Variants in ATP10D observed in about 807,000 individuals in gnomAD.
ATP10D encodes ATPase phospholipid transporting 10D (putative), also known as phospholipid-transporting ATPase VD.
Under a neutral mutation model 144.8 loss-of-function variants are expected in ATP10D, and 89 were observed. The ratio of observed to expected loss-of-function variants is 0.61; its 90% confidence interval spans 0.52 to 0.73. The LOEUF (loss-of-function observed/expected upper bound fraction) is 0.73, where lower values mean the gene tolerates loss of function less well. Among genes scored for constraint, ATP10D ranks in the 30% least tolerant of loss-of-function variants. ATP10D has a pLI of 0.00. For synonymous variants in ATP10D, 571 were observed against 615.1 expected, an observed-to-expected ratio of 0.93 and a Z score of 1.06; for missense variants, 1,603 against 1,714.8, an observed-to-expected ratio of 0.93 and a Z score of 1.15.
intron 10 of ATP10D, among the ~76,000 whole-genome samples, chr4:47,548,306 C>G (rs1344685634): frequency 6.6e-6 from 1 of 152,160 alleles, no homozygotes; most frequent in Non-Finnish European, 1.5e-5. Flanking sequence ...CATATACTAC[C>G]TCTATCCATC....
intron 1 of ATP10D, among the ~76,000 whole-genome samples, chr4:47,493,994 A>G (rs1020355252): frequency 6.6e-6 from 1 of 152,146 alleles, no homozygotes; most frequent in Non-Finnish European, 1.5e-5. Context: ...ACTTTCCTGT[A>G]TGCTGTTTCA....
intron 1 of ATP10D, among the ~76,000 whole-genome samples, chr4:47,510,581 G>C (rs553602321): frequency 3.3e-5 from 5 of 152,282 alleles, no homozygotes; most frequent in East Asian, 1.9e-4. Flanking sequence ...TCTTGTCTGG[G>C]TTGTGGAATA....
At chr4:47,486,687 G>C (rs1341591554) in intron 1 of ATP10D, among the ~76,000 whole-genome samples, 1 of 152,124 alleles carries the variant, frequency 6.6e-6, no homozygotes, top group African/African-American at 2.4e-5. Flanking sequence ...CTACAAATAC[G>C]TATCATATAC....
rs1015349666 is a variant in ATP10D at position 47,502,194 on chromosome 4, A to G, written c.-37-10310A>G. Among the ~76,000 whole-genome samples, 22 of 152,160 alleles carry G rather than the reference A, an allele frequency of 1.4e-4. 1 individual carries two copies. The highest frequency in any genetic ancestry group is 1.5e-4 in the Non-Finnish European group (10 of 68,032). ...GTGATCCCTTCAAAAAGAAATCTGG[A>G]CTGGGCGCGGTGGTTTGTGCCTGTA... On this transcript the variant is annotated intron_variant, in intron 1 of 22. Transcript: ENST00000273859.
chr4:47,572,391 T>G (rs912769733), intron 17 of ATP10D, among the ~76,000 whole-genome samples, 161 bp downstream of exon 17: 1 of 151,940 alleles, frequency 6.6e-6, no homozygotes, highest in African/African-American at 2.4e-5. Context: ...TTTTTTTTAC[T>G]AGGTGAGTAT....
intron 9 of ATP10D, among the ~76,000 whole-genome samples, chr4:47,545,674 G>T (rs533306614): frequency 6.6e-6 from 1 of 152,326 alleles, no homozygotes; most frequent in East Asian, 1.9e-4. Context: ...GATTTACAAA[G>T]ATAGTACCTA....
chr4:47,571,996 C>T (rs1577697533), intron 16 of ATP10D, among the ~76,000 whole-genome samples, 158 bp from the exon 17 acceptor site: 1 of 152,290 alleles, frequency 6.6e-6, no homozygotes, highest in Middle Eastern at 3.4e-3. Context: ...AGTGGGATGC[C>T]ACTTCATTTC....
At chr4:47,502,514 A>G (rs1031762558) in intron 1 of ATP10D, among the ~76,000 whole-genome samples, 1 of 150,584 alleles carries the variant, frequency 6.6e-6, no homozygotes, top group Non-Finnish European at 1.5e-5. Context: ...GAGAAGCATT[A>G]TCGCTTTCAA....
chr4:47,588,140 C>T (rs1279622395), intron 22 of ATP10D, among the ~76,000 whole-genome samples: 2 of 152,062 alleles, frequency 1.3e-5, no homozygotes, highest in Non-Finnish European at 2.9e-5. Context: ...CAACTTTCCT[C>T]CCTTATCTGA....
chr4:47,572,762 G>T (rs981999338), intron 17 of ATP10D, 110 bp from the exon 18 acceptor site: 10 of 1,359,538 alleles, frequency 7.4e-6, no homozygotes, highest in African/African-American at 7.3e-5. Context: ...GAACAAATGC[G>T]GTCAGAAGAA....
chr4:47,548,798 T>C (rs1170779495), intron 10 of ATP10D, among the ~76,000 whole-genome samples: 1 of 152,216 alleles, frequency 6.6e-6, no homozygotes, highest in Admixed American at 6.5e-5. Flanking sequence ...TCAATCTTGG[T>C]CTAAACAAGT....
chr4:47,569,172 G>C, intron 16 of ATP10D, 26 bp downstream of exon 16: 1 of 1,599,620 alleles, frequency 6.3e-7, no homozygotes, highest in Non-Finnish European at 8.5e-7. Context: ...TCTGAGTCCT[G>C]CTCTTCTCCC....
intron 9 of ATP10D, among the ~76,000 whole-genome samples, chr4:47,543,494 T>C (rs1718262978): frequency 1.3e-5 from 2 of 152,222 alleles, no homozygotes; most frequent in Non-Finnish European, 2.9e-5. Flanking sequence ...ACCCACTGAA[T>C]GCCAGCAGCA....
intron 4 of ATP10D, among the ~76,000 whole-genome samples, chr4:47,524,287 CA>C (rs376103945): frequency 6.6e-6 from 1 of 151,718 alleles, no homozygotes; most frequent in South Asian, 2.1e-4. Context: ...ACTTAGAAAC[CA>C]AAAAAAGTGG....
chr4:47,563,460 C>G, intron 14 of ATP10D, 121 bp from the exon 15 acceptor site: 2 of 792,780 alleles, frequency 2.5e-6, no homozygotes, highest in Non-Finnish European at 3.7e-6. Context: ...TCCTGAGCAG[C>G]TGGGCAGTTT....
chr4:47,494,450 G>A (rs1000585331), intron 1 of ATP10D, among the ~76,000 whole-genome samples: 2 of 150,496 alleles, frequency 1.3e-5, no homozygotes, highest in African/African-American at 4.9e-5. Context: ...TTTTCATAGT[G>A]CATCTGTAAA....
rs752313490 is a variant in ATP10D, at chr4:47,557,950, T to A, written c.2111T>A (p.Leu704His). ...ETEKQHGDAG[L>H]LNGKAESLPG... Reference sequence around the variant, plus strand: ...GAGAAACAACACGGTGATGCAGGCCTCCTGAATGGCAAGGCAGAGTCCCTC... The same window carrying A: ...GAGAAACAACACGGTGATGCAGGCCACCTGAATGGCAAGGCAGAGTCCCTC... Residue 704 changes from leucine to histidine, a missense_variant, in exon 12 of 23, where the codon CTC (leucine) becomes CAC (histidine). Coordinates refer to ENST00000273859, the MANE Select transcript of ATP10D (RefSeq NM_020453.4). 2 of 1,614,186 alleles carry A rather than the reference T, an allele frequency of 1.2e-6. No homozygotes were observed. Among genetic ancestry groups the A allele is most frequent in the East Asian group, 4.5e-5 (2 of 44,886 alleles).
intron 1 of ATP10D, among the ~76,000 whole-genome samples, chr4:47,490,732 G>T (rs1715025896): frequency 6.6e-6 from 1 of 152,230 alleles, no homozygotes; most frequent in East Asian, 1.9e-4. Flanking sequence ...CCAGATTGTT[G>T]TGTTGCCCTT....
chr4:47,512,702 T>C lies in ATP10D; in HGVS notation c.162T>C (p.Val54=). ...PKLSGRHRIV[V]PHIQPFKDEY... ...TGTCAGGAAGGCACCGGATTGTTGT[T>C]CCCCACATCCAGCCCTTCAAGGATG... The change falls in exon 2 of 23, where the codon GTT becomes GTC. Residue 54 remains valine (V), a synonymous_variant. Transcript: ENST00000273859. 1 of 1,614,192 alleles carries C rather than the reference T, an allele frequency of 6.2e-7. No homozygotes were observed. The highest frequency in any genetic ancestry group is 8.5e-7 in the Non-Finnish European group (1 of 1,180,032).
Sources: gnomAD v4.1 joint callset for allele counts (sites outside exome capture counted in the v4.1 genomes callset) on GRCh38, gnomAD v4.1.1 for gene constraint, MANE v1.5 for transcripts, NCBI Gene and HGNC (gene_info 2026-07-23, HGNC 2026-07-21) for gene names.